Variants in GALNT2 observed in about 807,000 individuals in gnomAD.
GALNT2 encodes UDP-GalNAc:polypeptide N-acetylgalactosaminyltransferase 2.
A neutral mutation model predicts 81.4 loss-of-function variants in GALNT2; 31 were observed. The ratio of observed to expected loss-of-function variants is 0.38; its 90% CI spans 0.29 to 0.51. The LOEUF (loss-of-function observed/expected upper bound fraction) is 0.51, where lower values mean the gene tolerates loss of function less well. Among genes scored for constraint, GALNT2 ranks in the 20% least tolerant of loss-of-function variants. The probability of loss-of-function intolerance (pLI) is 0.87; values close to 1 mark genes in which losing one functional copy is unlikely to be tolerated. For missense variants in GALNT2, 629 were observed against 765.7 expected (o/e 0.82, Z 2.11); for synonymous variants, 303 against 287.4 (o/e 1.05, Z -0.55).
At chr1:230,219,701 A>T (rs1158616150) in intron 3 of GALNT2, among the ~76,000 whole-genome samples, 1 of 152,174 alleles carries the variant, frequency 6.6e-6, no homozygotes, top group Admixed American at 6.5e-5. Context: ...ACGTGGATGC[A>T]TTCCAGATGT....
intron 1 of GALNT2, among the ~76,000 whole-genome samples, chr1:230,069,166 A>T (rs1230126125): frequency 6.6e-6 from 1 of 152,184 alleles, no homozygotes; most frequent in African/African-American, 2.4e-5. Flanking sequence ...CCGGAGGCTG[A>T]TTCCTCACTC....
intron 3 of GALNT2, among the ~76,000 whole-genome samples, chr1:230,232,968 TA>T (rs1420671183): frequency 2.6e-5 from 4 of 152,208 alleles, no homozygotes; most frequent in Admixed American, 2.0e-4. Flanking sequence ...ATAACTATAA[TA>T]AAAGAAGCCC....
At chr1:230,083,846 C>G (rs891099001) in intron 1 of GALNT2, among the ~76,000 whole-genome samples, 3 of 152,126 alleles carry the variant, frequency 2.0e-5, no homozygotes, top group African/African-American at 4.8e-5. Context: ...CCTCTGTTAG[C>G]CCTTCCAATA....
chr1:230,250,821 G>T (rs1056596769), intron 10 of GALNT2, among the ~76,000 whole-genome samples: 3 of 152,156 alleles, frequency 2.0e-5, no homozygotes, highest in Non-Finnish European at 4.4e-5. Context: ...CTTTCAAGGC[G>T]TCTGAACCCA....
chr1:230,264,343 G>A (rs1159333116), intron 13 of GALNT2: 5 of 152,244 alleles, frequency 3.3e-5, no homozygotes, highest in African/African-American at 1.2e-4. Flanking sequence ...CCAAAGAGGG[G>A]CTTCAATTCA....
At chr1:230,146,627 T>C (rs1661923745) in intron 1 of GALNT2, among the ~76,000 whole-genome samples, 1 of 152,006 alleles carries the variant, frequency 6.6e-6, no homozygotes, top group African/African-American at 2.4e-5. Flanking sequence ...CTCAGGGAGC[T>C]GGGGCATTTA....
Position 230,279,411 on chromosome 1 carries a change from C to A in GALNT2, c.1669C>A (p.Pro557Thr). 6.2e-7 allele frequency: 1 copy of A among 1,614,110 alleles called. No individual in the cohort carries two copies. The highest frequency in any genetic ancestry group is 1.6e-4 in the Middle Eastern group (1 of 6,062). ...SGGLSVEVCG[P>T]ALSQQWKFTL... ...GGGCCTAAGCGTGGAGGTGTGTGGC[C>A]CGGCCCTTTCGCAGCAGTGGAAGTT... The change falls in exon 16 of 16, where the codon CCG becomes ACG. Residue 557 changes from proline (P) to threonine (T), a missense_variant. Transcript: ENST00000366672. This position sits in a 1 kb window ranked among gnomAD's most constrained non-coding sequence, Gnocchi z 4.6.
At chr1:230,089,585 A>G (rs1435722277) in intron 1 of GALNT2, among the ~76,000 whole-genome samples, 2 of 152,232 alleles carry the variant, frequency 1.3e-5, no homozygotes, top group Non-Finnish European at 2.9e-5. Flanking sequence ...CCCTCCCTGC[A>G]GCCACTGGCG....
intron 1 of GALNT2, among the ~76,000 whole-genome samples, chr1:230,059,572 C>G (rs368825553): frequency 6.6e-6 from 1 of 152,188 alleles, no homozygotes; most frequent in Non-Finnish European, 1.5e-5. Flanking sequence ...ATCTTTTAGA[C>G]GCTTGGGCTG....
rs145620085 is a variant in GALNT2, at chr1:230,141,113, A to G, written c.127-37105A>G. On this transcript the variant is annotated intron_variant, in intron 1 of 15. Coordinates refer to ENST00000366672, the MANE Select transcript of GALNT2 (RefSeq NM_004481.5). ...GTTTCTTCAAGGGGAATGTGAGTGA[A>G]TGTGAATTGGATCACCCCACAGGAG... is the stretch of plus-strand genomic sequence containing the variant. Among the ~76,000 whole-genome samples the G allele has an allele frequency of 1.4e-3, 215 of 152,326 alleles. 1 individual carries two copies. In the East Asian group the frequency reaches 0.04, roughly 29 times the overall value.
At chr1:230,218,734 C>G (rs1052700728) in intron 3 of GALNT2, among the ~76,000 whole-genome samples, 1 of 152,190 alleles carries the variant, frequency 6.6e-6, no homozygotes, top group African/African-American at 2.4e-5. Flanking sequence ...TGTTATCTAT[C>G]CCTGAATGTG....
intron 14 of GALNT2, chr1:230,268,250 T>C (rs1666083323): frequency 1.3e-5 from 2 of 152,144 alleles, no homozygotes; most frequent in Non-Finnish European, 2.9e-5. Context: ...TTAATGCAGA[T>C]TTCACCAAAT....
chr1:230,069,116 G>A (rs1659294711), intron 1 of GALNT2, among the ~76,000 whole-genome samples: 1 of 152,176 alleles, frequency 6.6e-6, no homozygotes, highest in South Asian at 2.1e-4. Flanking sequence ...ACTTTCATTA[G>A]TACACGTGAT....
rs141194882 is a variant in GALNT2, at chr1:230,147,203, T to A, written c.127-31015T>A. ...AAGAATGCTCTCTGATTTGACAGCA[T>A]CCTCAATTTGGAGGAATTACCTTTG... On this transcript the variant is annotated intron_variant, in intron 1 of 15. Transcript: ENST00000366672. Among the ~76,000 whole-genome samples, 214 of 152,322 alleles carry A rather than the reference T, an allele frequency of 1.4e-3. 1 individual carries two copies. The highest frequency in any genetic ancestry group is 4.9e-3 in the African/African-American group (204 of 41,578).
At chr1:230,244,611 T>G (rs1031272807) in intron 7 of GALNT2, among the ~76,000 whole-genome samples, 1 of 152,128 alleles carries the variant, frequency 6.6e-6, no homozygotes, top group Non-Finnish European at 1.5e-5. Context: ...GTGGTCAGAT[T>G]GTCAGAACTG....
rs1332760592 is a variant in GALNT2 at position 230,243,545 on chromosome 1, G to A, written c.729+118G>A. 2 of 1,288,352 alleles carry A rather than the reference G, an allele frequency of 1.6e-6. No homozygotes were observed. Among genetic ancestry groups the A allele is most frequent in the Non-Finnish European group, 2.1e-6 (2 of 966,008 alleles). The allele number at this position is 1,288,352 out of a possible 1,614,324, so 79.8% of individuals were successfully genotyped here. On this transcript the variant is annotated intron_variant, in intron 7 of 15. Transcript: ENST00000366672. This position sits in a 1 kb window ranked among gnomAD's most constrained non-coding sequence, Gnocchi z 4.2. ...GAGTAGGGCGTCAGGGCTGGTAGGGGCTGAGCTCGCCGTCTGCAGTTTTCC... is the reference window on the plus strand; with the variant it reads ...GAGTAGGGCGTCAGGGCTGGTAGGGACTGAGCTCGCCGTCTGCAGTTTTCC...
chr1:230,105,062 G>A (rs1033922164), intron 1 of GALNT2, among the ~76,000 whole-genome samples: 6 of 152,206 alleles, frequency 3.9e-5, no homozygotes, highest in Non-Finnish European at 5.9e-5. Flanking sequence ...TGTAAGGAGC[G>A]TACTGATGCC....
At chr1:230,197,263 C>A (rs913272346) in intron 2 of GALNT2, among the ~76,000 whole-genome samples, 1 of 150,378 alleles carries the variant, frequency 6.6e-6, no homozygotes, top group African/African-American at 2.5e-5. Flanking sequence ...CCACTGGCCC[C>A]GCCTTCTCAC....
At chr1:230,058,869 C>A (rs1193493913) in intron 1 of GALNT2, among the ~76,000 whole-genome samples, 1 of 152,140 alleles carries the variant, frequency 6.6e-6, no homozygotes, top group Non-Finnish European at 1.5e-5. Flanking sequence ...AAAGTGTCCC[C>A]TCTCATTAAA....
Sources: allele counts gnomAD v4.1 joint callset (sites outside exome capture counted in the v4.1 genomes callset), GRCh38; gene constraint gnomAD v4.1.1; non-coding constraint Gnocchi (gnomAD v3.1); transcripts MANE v1.5; gene names NCBI Gene and HGNC (gene_info 2026-07-23, HGNC 2026-07-21).